Variants in SERINC2 observed in about 807,000 individuals in gnomAD.
The protein encoded by SERINC2 is tumor differentially expressed protein 2.
SERINC2 carries 56 observed loss-of-function variants against 54.2 expected under a neutral mutation model. The ratio of observed to expected loss-of-function variants is 1.03; its 90% confidence interval spans 0.83 to 1.29. The LOEUF is 1.29. Among genes scored for constraint, SERINC2 ranks in the 50% most tolerant of loss-of-function variants. SERINC2 has a pLI of 0.00. For synonymous variants in SERINC2, 272 were observed against 253.1 expected, an observed-to-expected ratio of 1.07 and a Z score of -0.71; for missense variants, 614 against 607.4, an observed-to-expected ratio of 1.01 and a Z score of -0.12.
At chr1:31,427,820 CTTTCTT>C (rs1382607369) in intron 6 of SERINC2, among the ~76,000 whole-genome samples, 11 of 121,930 alleles carry the variant, frequency 9.0e-5, no homozygotes, top group Admixed American at 7.6e-4. Context: ...TTTTTTCTTT[CTTTCTT>C]TTTTTTTTTT....
At chr1:31,422,376 G>A (rs1553132857) in intron 1 of SERINC2, among the ~76,000 whole-genome samples, 1 of 151,998 alleles carries the variant, frequency 6.6e-6, no homozygotes, top group East Asian at 1.9e-4. Context: ...TGCTGCCCAG[G>A]CTATTCTCTA....
chr1:31,431,235 C>T (rs1242447570), intron 8 of SERINC2, among the ~76,000 whole-genome samples: 2 of 152,016 alleles, frequency 1.3e-5, no homozygotes, highest in Non-Finnish European at 2.9e-5. Flanking sequence ...AGTGATCCTC[C>T]CACCTCAGCC....
chr1:31,431,942 GGGTGGTT>G (rs1641249589), intron 8 of SERINC2, among the ~76,000 whole-genome samples: 1 of 127,694 alleles, frequency 7.8e-6, no homozygotes, highest in Non-Finnish European at 1.7e-5. Context: ...AGGGTGGTTA[GGGTGGTT>G]AGGGTGGTTA....
At chr1:31,415,934 A>G in intron 1 of SERINC2, 4 of 985,028 alleles carry the variant, frequency 4.1e-6, no homozygotes, top group Non-Finnish European at 4.8e-6. Flanking sequence ...ATGGGGAGGT[A>G]AGATGGGTCC....
chr1:31,417,852 C>CTTTTTTTTTTTTTT (rs3050463), intron 1 of SERINC2, among the ~76,000 whole-genome samples: 4 of 95,732 alleles, frequency 4.2e-5, no homozygotes, highest in Non-Finnish European at 7.4e-5. Flanking sequence ...AAATTTCATT[C>CTTTTTTTTTTTTTT]TTTTTTTTTT....
At position 31,433,111 on chromosome 1, in the gene SERINC2, C is replaced by T. The variant is rs1553135065; in HGVS notation, c.1158C>T (p.Tyr386=). Residue 386 remains tyrosine (Y), a synonymous_variant, in exon 9 of 10, where the codon TAC becomes TAT. Coordinates refer to ENST00000373709, the MANE Select transcript of SERINC2 (RefSeq NM_178865.5). The stretch of plus-strand genomic sequence containing the variant: ...ACAACGAGCAGGACGGCGTCACCTA[C>T]AGCTACTCCTTCTTCCACTTCTGCC... The part of the protein sequence containing the change: ...AFDNEQDGVT[Y]SYSFFHFCLV... 1 of 1,613,762 alleles carries T rather than the reference C, an allele frequency of 6.2e-7. No homozygotes were observed. Among genetic ancestry groups the T allele is most frequent in the Non-Finnish European group, 8.5e-7 (1 of 1,180,028 alleles).
intron 8 of SERINC2, among the ~76,000 whole-genome samples, chr1:31,431,522 C>A (rs915156622): frequency 1.3e-5 from 2 of 152,146 alleles, no homozygotes; most frequent in African/African-American, 2.4e-5. Flanking sequence ...TCTTTCCCTG[C>A]CCCTGGTTCT....
Position 31,423,695 on chromosome 1 carries a change from G to C in SERINC2, c.42G>C (p.Ala14=). 1 of 1,607,596 alleles carries C rather than the reference G, an allele frequency of 6.2e-7. No homozygotes were observed. The highest frequency in any genetic ancestry group is 8.5e-7 in the Non-Finnish European group (1 of 1,179,784). ...CLGACSLLSC[A]SCLCGSAPCI... ...AGAGTGACAGTGCCCTCCCGCAGGC[G>C]TCCTGCCTCTGCGGCTCTGCCCCCT... is the stretch of plus-strand genomic sequence containing the variant. Residue 14 remains alanine (A), a splice_region_variant and synonymous_variant, in exon 2 of 10, where the codon GCG becomes GCC. Transcript: ENST00000373709.
Position 31,426,785 on chromosome 1 carries a change from GT to G in SERINC2, c.743del (p.Val248AlafsTer100). ...CATCAGCCTCAACCTCACCTTCTGTGTCTGCGTGTCCATCGCTGCTGTCCTG... is the reference window on the plus strand; with the variant it reads ...CATCAGCCTCAACCTCACCTTCTGTGCTGCGTGTCCATCGCTGCTGTCCTG... ...VFISLNLTFC[V>X]CVSIAAVLPK... is the part of the protein sequence containing the mutation. On this transcript the variant is annotated frameshift_variant, in exon 6 of 10. Coordinates refer to ENST00000373709, the MANE Select transcript of SERINC2 (RefSeq NM_178865.5). LOFTEE classifies it high-confidence loss of function. The G allele has an allele frequency of 1.2e-6, 2 of 1,614,066 alleles. No individual in the cohort carries two copies. Among genetic ancestry groups the G allele is most frequent in the Non-Finnish European group, 1.7e-6 (2 of 1,180,022 alleles).
chr1:31,417,145 C>G (rs1640799122), intron 1 of SERINC2, among the ~76,000 whole-genome samples: 1 of 152,188 alleles, frequency 6.6e-6, no homozygotes, highest in Non-Finnish European at 1.5e-5. Context: ...CACGGTAACT[C>G]CAGAACATCT....
At chr1:31,431,302 ATTT>A (rs113450135) in intron 8 of SERINC2, among the ~76,000 whole-genome samples, 1 of 143,644 alleles carries the variant, frequency 7.0e-6, no homozygotes, top group East Asian at 2.0e-4. Context: ...TTAAAAAAAC[ATTT>A]TTTTTTTTTT....
At chr1:31,425,727 A>G (rs1641023400) in intron 4 of SERINC2, 49 bp from the exon 5 acceptor site, 1 of 1,597,274 alleles carries the variant, frequency 6.3e-7, no homozygotes, top group Admixed American at 1.7e-5. Flanking sequence ...TTGAACGAGT[A>G]GATGTGAGAG....
rs782554520 is a variant in SERINC2, at chr1:31,433,213, G to A, written c.1232+28G>A. The A allele has an allele frequency of 2.5e-6, 4 of 1,589,960 alleles. No individual in the cohort carries two copies. The South Asian group carries it at 4.4e-5, about 18-fold the overall frequency. On this transcript the variant is annotated intron_variant, in intron 9 of 9. Coordinates refer to ENST00000373709, the MANE Select transcript of SERINC2 (RefSeq NM_178865.5). ...GCGTAGCTGGTGGGGCATGGACAGA[G>A]CCCGGAGGTGCAGGGTGCAGGTCCA...
chr1:31,431,945 TGGTTAGGGTGGTTAGGGTGGA>T, intron 8 of SERINC2, among the ~76,000 whole-genome samples: 2 of 126,144 alleles, frequency 1.6e-5, no homozygotes, highest in Non-Finnish European at 3.5e-5. Flanking sequence ...GTGGTTAGGG[TGGTTAGGGTGGTTAGGGTGGA>T]TAGGGTGGAT....
At chr1:31,424,472 C>CT (rs1261511498) in intron 2 of SERINC2, among the ~76,000 whole-genome samples, 6 of 152,336 alleles carry the variant, frequency 3.9e-5, no homozygotes, top group Non-Finnish European at 5.9e-5. Context: ...GGGGAGCTCC[C>CT]TCCCAGGGCT....
rs1553133320 is a variant in SERINC2 at position 31,424,872 on chromosome 1, G to A, written c.391G>A (p.Gly131Arg). 5 of 1,609,188 alleles carry A rather than the reference G, an allele frequency of 3.1e-6. No individual in the cohort carries two copies. Among genetic ancestry groups the A allele is most frequent in the Non-Finnish European group, 4.2e-6 (5 of 1,178,394 alleles). ...SRDPRAAIQN[G>R]FWFFKFLILV... Reference sequence around the variant, plus strand: ...GGACCCCCGGGCTGCCATCCAGAATGGGTGAGAGAGGGGTCCCTGCCTGCA... The same window carrying A: ...GGACCCCCGGGCTGCCATCCAGAATAGGTGAGAGAGGGGTCCCTGCCTGCA... The change falls in exon 3 of 10, where the codon GGG becomes AGG. Residue 131 changes from glycine (G) to arginine (R), a missense_variant and splice_region_variant. Gly to Arg is a moderately radical substitution (Grantham distance 125). Coordinates refer to ENST00000373709, the MANE Select transcript of SERINC2 (RefSeq NM_178865.5).
upstream of SERINC2, among the ~76,000 whole-genome samples, chr1:31,412,829 T>C (rs1640674617): frequency 6.6e-6 from 1 of 152,204 alleles, no homozygotes; most frequent in African/African-American, 2.4e-5. Flanking sequence ...TATCCAGTCA[T>C]TCAGCATTCA....
At chr1:31,429,658 A>C in intron 8 of SERINC2, 120 bp downstream of exon 8, 1 of 1,143,294 alleles carries the variant, frequency 8.7e-7, no homozygotes, top group Non-Finnish European at 1.2e-6. Context: ...CAATATATCC[A>C]GGTCTTGCAT....
chr1:31,415,480 C>T (rs1285489490), intron 1 of SERINC2, among the ~76,000 whole-genome samples: 1 of 152,260 alleles, frequency 6.6e-6, no homozygotes, highest in African/African-American at 2.4e-5. Context: ...AGATAACTAT[C>T]CCAACACTCG....
Sources: allele counts gnomAD v4.1 joint callset (sites outside exome capture counted in the v4.1 genomes callset), GRCh38; gene constraint gnomAD v4.1.1; transcripts MANE v1.5; gene names NCBI Gene and HGNC (gene_info 2026-07-23, HGNC 2026-07-21).